Variants in RAD51B observed in about 807,000 individuals in gnomAD.
RAD51B encodes the protein RAD51 paralog B.
Under a neutral mutation model 42.2 loss-of-function variants are expected in RAD51B, and 38 were observed. That is an observed-to-expected ratio of 0.90 (90% confidence interval 0.70 to 1.18). RAD51B has a LOEUF of 1.18. Ranked by LOEUF, RAD51B falls within the 50% of genes most tolerant of loss-of-function variation. RAD51B has a pLI of 0.00. For missense variants in RAD51B, 373 were observed against 400.7 expected (o/e 0.93, Z 0.59); for synonymous variants, 154 against 145.2 (o/e 1.06, Z -0.43).
chr14:67,946,847 A>T (rs895435167), intron 7 of RAD51B, among the ~76,000 whole-genome samples: 2 of 152,208 alleles, frequency 1.3e-5, no homozygotes, highest in Non-Finnish European at 2.9e-5. Context: ...TCTCCTGAGG[A>T]ACAGGATAGT....
chr14:67,843,783 T>G (rs904596065), intron 4 of RAD51B, among the ~76,000 whole-genome samples: 2 of 151,932 alleles, frequency 1.3e-5, no homozygotes, highest in African/African-American at 4.8e-5. Flanking sequence ...ATATATTCTT[T>G]CAAGGAACAA....
intron 7 of RAD51B, among the ~76,000 whole-genome samples, chr14:68,038,598 T>C (rs1406954047): frequency 6.6e-6 from 1 of 152,222 alleles, no homozygotes; most frequent in Non-Finnish European, 1.5e-5. Flanking sequence ...GTCATTTCTT[T>C]AACACACAAA....
At chr14:68,488,805 C>G (rs1303403465) in intron 10 of RAD51B, among the ~76,000 whole-genome samples, 1 of 152,198 alleles carries the variant, frequency 6.6e-6, no homozygotes, top group East Asian at 1.9e-4. Flanking sequence ...AAGTCTTTAA[C>G]AACTGTCATG....
chr14:68,031,177 G>A lies in RAD51B; in HGVS notation c.756+143973G>A, dbSNP rs187069741. Reference sequence around the variant, plus strand: ...CTGGGGAAGCCTCACAATCATGGTGGAAGGCAAGGAGGAGCAAGTCATGTC... The same window carrying A: ...CTGGGGAAGCCTCACAATCATGGTGAAAGGCAAGGAGGAGCAAGTCATGTC... On this transcript the variant is annotated intron_variant, in intron 7 of 10. Transcript: ENST00000471583. Among the ~76,000 whole-genome samples, 1,258 of 152,308 alleles carry A rather than the reference G, an allele frequency of 8.3e-3. 6 individuals carry two copies. The highest frequency in any genetic ancestry group is 0.014 in the Non-Finnish European group (942 of 68,020).
intron 7 of RAD51B, among the ~76,000 whole-genome samples, chr14:68,222,975 T>C (rs1410870931): frequency 6.6e-6 from 1 of 152,188 alleles, no homozygotes; most frequent in Non-Finnish European, 1.5e-5. Flanking sequence ...CAGGCTCTTC[T>C]CCTGAGCTCC....
intron 7 of RAD51B, among the ~76,000 whole-genome samples, chr14:67,948,984 G>C (rs1179482101): frequency 8.1e-6 from 1 of 123,042 alleles, no homozygotes; most frequent in Non-Finnish European, 1.7e-5. Flanking sequence ...TAATTTAAAA[G>C]TTTTTATTGC....
At chr14:68,625,182 G>C (rs1283693599) in intron 10 of RAD51B, among the ~76,000 whole-genome samples, 2 of 152,100 alleles carry the variant, frequency 1.3e-5, no homozygotes, top group Non-Finnish European at 2.9e-5. Context: ...TGGAAGACTG[G>C]GATATAATGA....
intron 7 of RAD51B, among the ~76,000 whole-genome samples, chr14:67,926,144 A>C (rs906648573): frequency 6.6e-6 from 1 of 152,094 alleles, no homozygotes; most frequent in Non-Finnish European, 1.5e-5. Flanking sequence ...GCCAGCTTGG[A>C]TTTCTCCTCA....
chr14:68,310,583 C>T (rs900742444), intron 8 of RAD51B, among the ~76,000 whole-genome samples: 3 of 152,144 alleles, frequency 2.0e-5, no homozygotes, highest in Non-Finnish European at 4.4e-5. Flanking sequence ...TGGTGGCTCA[C>T]GCCTGTAATC....
intron 9 of RAD51B, among the ~76,000 whole-genome samples, chr14:68,414,425 T>C (rs1203291310): frequency 6.6e-6 from 1 of 152,166 alleles, no homozygotes; most frequent in Non-Finnish European, 1.5e-5. Context: ...ACCAAAGACA[T>C]GTTCTTAGAG....
chr14:67,864,863 T>C (rs750170471), intron 4 of RAD51B, 140 bp from the exon 5 acceptor site: 2 of 1,307,964 alleles, frequency 1.5e-6, no homozygotes, highest in Non-Finnish European at 1.1e-6. Context: ...TGTCTTGGGC[T>C]TAATTCTCTC....
At chr14:68,418,162 A>G (rs1041933960) in intron 9 of RAD51B, among the ~76,000 whole-genome samples, 1 of 152,262 alleles carries the variant, frequency 6.6e-6, no homozygotes, top group Non-Finnish European at 1.5e-5. Flanking sequence ...ATATAGTTAC[A>G]AAATTAACCG....
chr14:68,103,744 A>C (rs7359083), intron 7 of RAD51B, among the ~76,000 whole-genome samples: 12,653 of 152,236 alleles, frequency 0.083, 1,554 homozygotes, highest in African/African-American at 0.27. Flanking sequence ...TATATTCTTG[A>C]CTGTTTCAGA....
At chr14:67,827,773 G>A (rs2040882869) in intron 3 of RAD51B, among the ~76,000 whole-genome samples, 1 of 152,142 alleles carries the variant, frequency 6.6e-6, no homozygotes, top group African/African-American at 2.4e-5. Context: ...GTTTGCTGAG[G>A]ATGATGGCTT....
At chr14:68,477,589 G>C (rs2140254094) in intron 10 of RAD51B, 59 bp from the exon 11 acceptor site, 2 of 1,551,334 alleles carry the variant, frequency 1.3e-6, no homozygotes, top group Non-Finnish European at 1.7e-6. Flanking sequence ...TGGGAAGTTA[G>C]TGCATTTCAT....
intron 8 of RAD51B, among the ~76,000 whole-genome samples, chr14:68,308,069 C>G (rs1242279781): frequency 1.3e-5 from 2 of 151,978 alleles, no homozygotes; most frequent in East Asian, 1.9e-4. Context: ...CATGCTAGAG[C>G]CTTTGATTGG....
At chr14:68,122,450 T>C (rs1006733212) in intron 7 of RAD51B, among the ~76,000 whole-genome samples, 1 of 152,096 alleles carries the variant, frequency 6.6e-6, no homozygotes, top group Admixed American at 6.5e-5. Flanking sequence ...GCTTTTAAAA[T>C]TTAAGAAAAA....
intron 9 of RAD51B, among the ~76,000 whole-genome samples, chr14:68,418,047 C>T (rs1032049354): frequency 3.3e-5 from 5 of 152,112 alleles, no homozygotes; most frequent in African/African-American, 7.2e-5. Context: ...AAACAAAACA[C>T]GGGTGAGAGA....
intron 7 of RAD51B, among the ~76,000 whole-genome samples, chr14:68,096,991 T>C (rs2077207235): frequency 6.6e-6 from 1 of 152,238 alleles, no homozygotes; most frequent in East Asian, 1.9e-4. Context: ...TAAGCTTTCC[T>C]GACTTGATAG....
Sources: allele counts gnomAD v4.1 joint callset (sites outside exome capture counted in the v4.1 genomes callset), GRCh38; gene constraint gnomAD v4.1.1; transcripts MANE v1.5; gene names NCBI Gene and HGNC (gene_info 2026-07-23, HGNC 2026-07-21).